FIGN: variants seen among roughly 807,000 people sequenced by gnomAD.
FIGN encodes the protein fidgetin.
Under a neutral mutation model 51.3 loss-of-function variants are expected in FIGN, and 11 were observed. The observed-to-expected ratio is 0.21, with a 90% CI of 0.13 to 0.35. FIGN has a LOEUF of 0.35. Ranked by LOEUF, FIGN falls within the 10% of genes least tolerant of loss-of-function variation. The pLI, the probability that FIGN is intolerant of heterozygous loss-of-function variation, is 1.00. For missense variants in FIGN, 857 were observed against 943.6 expected (o/e 0.91, Z 1.20); for synonymous variants, 407 against 363.2 (o/e 1.12, Z -1.37).
chr2:163,721,399 C>A (rs183671773), intron 2 of FIGN, among the ~76,000 whole-genome samples: 9 of 152,264 alleles, frequency 5.9e-5, no homozygotes, highest in Middle Eastern at 3.4e-3. Context: ...TGAATGGTTT[C>A]TAGAAAACCA....
chr2:163,723,618 G>GT (rs1389319545), intron 2 of FIGN, among the ~76,000 whole-genome samples: 9 of 152,170 alleles, frequency 5.9e-5, no homozygotes, highest in Admixed American at 1.3e-4. Context: ...CAAAAAGAAG[G>GT]TGGACAAAGA....
At chr2:163,617,439 C>G (rs1682899111) in intron 2 of FIGN, among the ~76,000 whole-genome samples, 1 of 152,248 alleles carries the variant, frequency 6.6e-6, no homozygotes, top group South Asian at 2.1e-4. Context: ...CACAATTTCA[C>G]AGTCTAAATT....
intron 2 of FIGN, among the ~76,000 whole-genome samples, chr2:163,718,195 G>A (rs989355556): frequency 2.0e-5 from 3 of 152,140 alleles, no homozygotes; most frequent in Non-Finnish European, 2.9e-5. Context: ...AGAATTGTCA[G>A]CACTCAGAGA....
At chr2:163,731,486 T>C (rs1177777644) in intron 2 of FIGN, among the ~76,000 whole-genome samples, 1 of 151,968 alleles carries the variant, frequency 6.6e-6, no homozygotes, top group Non-Finnish European at 1.5e-5. Flanking sequence ...AGTAACTACC[T>C]ACAAAAAGGT....
chr2:163,625,619 T>A (rs963416837), intron 2 of FIGN, among the ~76,000 whole-genome samples: 1 of 152,086 alleles, frequency 6.6e-6, no homozygotes, highest in Non-Finnish European at 1.5e-5. Flanking sequence ...AGATGATGCA[T>A]GTGCTAAAAT....
At chr2:163,646,628 A>G in intron 2 of FIGN, among the ~76,000 whole-genome samples, 1 of 152,242 alleles carries the variant, frequency 6.6e-6, no homozygotes, top group East Asian at 1.9e-4. Context: ...TTGTTCTTTA[A>G]GAACTGGCAT....
chr2:163,627,741 C>T (rs1683078473), intron 2 of FIGN, among the ~76,000 whole-genome samples: 1 of 152,110 alleles, frequency 6.6e-6, no homozygotes, highest in Admixed American at 6.6e-5. Context: ...ATTAAGCAAA[C>T]ACCCTTCCAC....
chr2:163,674,443 G>T (rs1683926840), intron 2 of FIGN, among the ~76,000 whole-genome samples: 1 of 152,150 alleles, frequency 6.6e-6, no homozygotes, highest in Non-Finnish European at 1.5e-5. Flanking sequence ...TTTATATAGA[G>T]AAAAACATGG....
chr2:163,609,635 A>G lies in FIGN; in HGVS notation c.2197T>C (p.Phe733Leu). The change falls in exon 3 of 3, where the codon TTC (phenylalanine) becomes CTC (leucine). Residue 733 changes from phenylalanine to leucine, a missense_variant. Phe to Leu is a conservative substitution (Grantham distance 22, BLOSUM62 0). This residue lies in a region of FIGN where 799 missense variants were observed against 849.5 expected (regional missense o/e 0.94). Transcript: ENST00000333129. Reference protein sequence around the residue: ...PVTYQDFENAFCKIQPSISQK... With the variant: ...PVTYQDFENALCKIQPSISQK... The stretch of plus-strand genomic sequence containing the variant: ...GATATGCTAGGCTGAATCTTGCAGA[A>G]AGCATTTTCAAAGTCTTGATATGTA... 6.2e-7 allele frequency: 1 copy of G among 1,614,194 alleles called. No individual in the cohort carries two copies. Among genetic ancestry groups the G allele is most frequent in the Non-Finnish European group, 8.5e-7 (1 of 1,180,032 alleles).
At chr2:163,640,724 CA>C (rs1265829561) in intron 2 of FIGN, among the ~76,000 whole-genome samples, 10 of 151,954 alleles carry the variant, frequency 6.6e-5, no homozygotes, top group African/African-American at 2.4e-4. Context: ...TTTAGCTACA[CA>C]AAAAACAGAG....
chr2:163,732,187 A>G (rs1684941694), intron 2 of FIGN, among the ~76,000 whole-genome samples: 1 of 152,210 alleles, frequency 6.6e-6, no homozygotes, highest in African/African-American at 2.4e-5. Context: ...AGCATGTTTA[A>G]TCTGATACCT....
At chr2:163,731,927 C>T (rs984984214) in intron 2 of FIGN, among the ~76,000 whole-genome samples, 1 of 152,082 alleles carries the variant, frequency 6.6e-6, no homozygotes, top group African/African-American at 2.4e-5. Flanking sequence ...CTCAAAACTC[C>T]CACCCTACTC....
intron 2 of FIGN, among the ~76,000 whole-genome samples, chr2:163,612,776 TGAGA>T (rs1308936283): frequency 7.5e-6 from 1 of 133,054 alleles, no homozygotes; most frequent in Non-Finnish European, 1.5e-5. Context: ...ATATTATATA[TGAGA>T]GAGAAAGAGA....
intron 2 of FIGN, among the ~76,000 whole-genome samples, chr2:163,681,603 G>A (rs1239141): frequency 1 from 151,928 of 152,292 alleles, 75,791 homozygotes; most frequent in Middle Eastern, 1. Context: ...AGGAACACAT[G>A]ATGACTGCAC....
chr2:163,686,498 A>G (rs1684151825), intron 2 of FIGN, among the ~76,000 whole-genome samples: 1 of 152,158 alleles, frequency 6.6e-6, no homozygotes, highest in African/African-American at 2.4e-5. Context: ...TTTCATTGCT[A>G]TATAAAGCAG....
chr2:163,621,259 T>G (rs1393759146), intron 2 of FIGN, among the ~76,000 whole-genome samples: 2 of 152,094 alleles, frequency 1.3e-5, no homozygotes, highest in South Asian at 4.1e-4. Flanking sequence ...ACAAAATTTG[T>G]TTGGGTTATT....
At chr2:163,677,877 T>C (rs922065675) in intron 2 of FIGN, among the ~76,000 whole-genome samples, 2 of 152,194 alleles carry the variant, frequency 1.3e-5, no homozygotes, top group African/African-American at 4.8e-5. Context: ...ACTTTCTAGA[T>C]ATGTGAAGCC....
At position 163,635,532 on chromosome 2, in the gene FIGN, C is replaced by T. The variant is rs146075356; in HGVS notation, c.26-23726G>A. On this transcript the variant is annotated intron_variant, in intron 2 of 2. Coordinates refer to ENST00000333129, the MANE Select transcript of FIGN (RefSeq NM_018086.4). ...CTGCAGTGAGCTGATTGTACTACTG[C>T]ATTCCTGCCTGGGCGACAGAGTGAG... Among the ~76,000 whole-genome samples the T allele has an allele frequency of 6.3e-3, 960 of 152,296 alleles. 3 individuals are homozygous for T. Among genetic ancestry groups the T allele is most frequent in the Middle Eastern group, 0.01 (3 of 294 alleles).
chr2:163,660,716 C>A (rs1330207160), intron 2 of FIGN, among the ~76,000 whole-genome samples: 1 of 62,974 alleles, frequency 1.6e-5, no homozygotes, highest in Non-Finnish European at 4.0e-5. Context: ...TACACATATA[C>A]ATATATATGT....
Sources: gnomAD v4.1 joint callset for allele counts (sites outside exome capture counted in the v4.1 genomes callset) on GRCh38, gnomAD v4.1.1 for gene constraint, gnomAD v4.1.1 regional missense constraint, MANE v1.5 for transcripts, NCBI Gene and HGNC (gene_info 2026-07-23, HGNC 2026-07-21) for gene names.